The following PTP4A1 variants were observed in gnomAD, a reference collection of about 807,000 sequenced individuals.
PTP4A1 encodes the protein protein tyrosine phosphatase 4A1, also known as protein tyrosine phosphatase type IVA 1.
Under a neutral mutation model 20.5 loss-of-function variants are expected in PTP4A1, and 9 were observed. That is an observed-to-expected ratio of 0.44 (90% CI 0.26 to 0.77). The LOEUF is 0.77. Ranked by LOEUF, PTP4A1 falls within the 30% of genes least tolerant of loss-of-function variation. The probability of loss-of-function intolerance (pLI) is 0.19; values close to 1 mark genes in which losing one functional copy is unlikely to be tolerated. For synonymous variants in PTP4A1, 78 were observed against 67.4 expected, an observed-to-expected ratio of 1.16 and a Z score of -0.77; for missense variants, 137 against 218.8, an observed-to-expected ratio of 0.63 and a Z score of 2.36.
At chr6:63,549,559 A>C in intron 2 of PTP4A1, 1 of 608,556 alleles carries the variant, frequency 1.6e-6, no homozygotes, top group Non-Finnish European at 2.9e-6. Context: ...TGTTGACAAG[A>C]TTTGAAGTTT....
At chr6:63,549,156 G>T (rs1776328131) in intron 2 of PTP4A1, 2 of 684,422 alleles carry the variant, frequency 2.9e-6, no homozygotes, top group Non-Finnish European at 5.3e-6. Context: ...TTTCTTTTTG[G>T]CCAGGGCCAA....
upstream of PTP4A1, among the ~76,000 whole-genome samples, chr6:63,518,950 G>A (rs1188657905): frequency 6.6e-6 from 1 of 152,128 alleles, no homozygotes; most frequent in Non-Finnish European, 1.5e-5. Flanking sequence ...AGCAGGATCT[G>A]GGTAGCACCC....
chr6:63,545,806 T>C (rs149937811), intron 2 of PTP4A1, among the ~76,000 whole-genome samples: 92 of 152,232 alleles, frequency 6.0e-4, no homozygotes, highest in African/African-American at 2.2e-3. Flanking sequence ...AGCTTTCCCA[T>C]GTTCCATATT....
At chr6:63,559,811 T>C (rs1581935979) in intron 3 of PTP4A1, among the ~76,000 whole-genome samples, 1 of 152,214 alleles carries the variant, frequency 6.6e-6, no homozygotes. Context: ...TACTAGCACT[T>C]TGGGAGTCTG....
Position 63,576,693 on chromosome 6 carries a change from G to A in PTP4A1, c.-188G>A. On this transcript the variant is annotated 5_prime_UTR_variant, in exon 2 of 6. Transcript: ENST00000626021. ...TTTTCTGTTGGCCTCAGTATTACTG[G>A]ATTGAAGAATTGCTGCTTCTTGTTA... The A allele has an allele frequency of 1.6e-6, 1 of 606,784 alleles. No individual in the cohort carries two copies. Among genetic ancestry groups the A allele is most frequent in the Non-Finnish European group, 2.9e-6 (1 of 346,082 alleles). The allele number at this position is 606,784 out of a possible 1,614,324, so 37.6% of individuals were successfully genotyped here.
intron 5 of PTP4A1, among the ~76,000 whole-genome samples, chr6:63,579,682 C>G (rs1358266816): frequency 6.6e-6 from 1 of 152,178 alleles, no homozygotes; most frequent in Non-Finnish European, 1.5e-5. Flanking sequence ...AATTAACCAT[C>G]CAATACAACA....
In PTP4A1 at chr6:63,572,541, A is replaced by C. The variant is rs1304574575; in HGVS notation, c.-624A>C. On this transcript the variant is annotated 5_prime_UTR_variant, in exon 1 of 6. Transcript: ENST00000626021. ...CGGCTCGGCTACGCGCTCTGCTCCG[A>C]GCCGCTCACTGCATGGTAGAGTCTG... 2.5e-6 allele frequency: 1 copy of C among 395,924 alleles called. No homozygotes were observed. Among genetic ancestry groups the C allele is most frequent in the East Asian group, 3.6e-5 (1 of 27,734 alleles). The allele number at this position is 395,924 out of a possible 1,614,324, so 24.5% of individuals were successfully genotyped here. A position where few individuals can be genotyped will look rare whatever the true frequency, so the allele number is the denominator to read the frequency against.
At chr6:63,523,756 C>T (rs901110238) in intron 1 of PTP4A1, among the ~76,000 whole-genome samples, 3 of 151,964 alleles carry the variant, frequency 2.0e-5, no homozygotes, top group African/African-American at 7.3e-5. Flanking sequence ...CATCAGCTAT[C>T]GTTAGTGTTA....
In PTP4A1 at chr6:63,572,587, A is replaced by G. The variant is rs1023369609; in HGVS notation, c.-578A>G. ...GTCTGGTGCCCCCGCCGCCGCCTGC[A>G]TCGCCGCCACCGCCGCTCCGCCACG... is the stretch of plus-strand genomic sequence containing the variant. On this transcript the variant is annotated 5_prime_UTR_variant, in exon 1 of 6. Transcript: ENST00000626021. 7.0e-5 allele frequency: 29 copies of G among 415,788 alleles called. No homozygotes were observed. Among genetic ancestry groups the G allele is most frequent in the Middle Eastern group, 6.1e-4 (1 of 1,630 alleles). 25.8% of individuals were successfully genotyped at this position (415,788 alleles called of 1,614,324 possible).
At chr6:63,539,891 A>G (rs571440331) in intron 2 of PTP4A1, among the ~76,000 whole-genome samples, 2 of 152,336 alleles carry the variant, frequency 1.3e-5, no homozygotes, top group South Asian at 4.1e-4. Context: ...TTTAAAAAAT[A>G]ATACAGTGAC....
intron 3 of PTP4A1, among the ~76,000 whole-genome samples, chr6:63,555,762 C>T (rs115449622): frequency 0.019 from 2,907 of 151,376 alleles, 92 homozygotes; most frequent in African/African-American, 0.067. Flanking sequence ...GGCGTGATCC[C>T]GGCTCACTGC....
chr6:63,518,135 C>T (rs1045736351), upstream of PTP4A1, among the ~76,000 whole-genome samples: 4 of 140,902 alleles, frequency 2.8e-5, no homozygotes, highest in African/African-American at 1.1e-4. Context: ...GCCTGGGCAA[C>T]ACAGTGAGAC....
At chr6:63,529,541 C>T (rs923762810) in intron 2 of PTP4A1, among the ~76,000 whole-genome samples, 2 of 152,132 alleles carry the variant, frequency 1.3e-5, no homozygotes, top group African/African-American at 4.8e-5. Flanking sequence ...CTACCTCTCT[C>T]GCTTTTAATT....
chr6:63,579,430 AT>A, intron 5 of PTP4A1, 99 bp downstream of exon 5: 1 of 830,762 alleles, frequency 1.2e-6, no homozygotes, highest in Non-Finnish European at 1.8e-6. Context: ...CATTATGATT[AT>A]TTTTTGAGAT....
rs570954323 is a variant in PTP4A1, at chr6:63,581,165, C to G, written c.*991C>G. 6.6e-6 allele frequency: 1 copy of G among 151,502 alleles called. No individual in the cohort carries two copies. Among genetic ancestry groups the G allele is most frequent in the Admixed American group, 6.6e-5 (1 of 15,198 alleles). The allele number at this position is 151,502 out of a possible 1,614,324, so 9.4% of individuals were successfully genotyped here. A position where few individuals can be genotyped will look rare whatever the true frequency, so the allele number is the denominator to read the frequency against. ...TGATTTTTTTTTTCCTTCCCAACCT[C>G]TCTTGCAAAAAAAGAAATGGGTTTC... is the stretch of plus-strand genomic sequence containing the variant. On this transcript the variant is annotated 3_prime_UTR_variant, in exon 6 of 6. Transcript: ENST00000626021.
At chr6:63,544,917 C>T (rs967251648) in intron 2 of PTP4A1, among the ~76,000 whole-genome samples, 22 of 152,068 alleles carry the variant, frequency 1.4e-4, no homozygotes, top group African/African-American at 4.8e-4. Flanking sequence ...TTAATGTCTC[C>T]GAAGAGATAC....
upstream of PTP4A1, among the ~76,000 whole-genome samples, chr6:63,568,299 C>T (rs1185970402): frequency 1.3e-5 from 2 of 152,212 alleles, no homozygotes; most frequent in Non-Finnish European, 2.9e-5. Context: ...AATGACTCTT[C>T]CTTTCACTTG....
At chr6:63,566,308 A>G (rs1002786345) in intron 3 of PTP4A1, among the ~76,000 whole-genome samples, 7 of 152,224 alleles carry the variant, frequency 4.6e-5, no homozygotes, top group Admixed American at 2.6e-4. Flanking sequence ...CAGCAAGAGA[A>G]AAGGGATGTT....
Position 63,522,149 on chromosome 6 carries a change from C to T in PTP4A1, c.-906+323C>T, listed in dbSNP as rs552925495. ...CTTCCAGATTAGGCTCTTGAATTTC[C>T]TTATCCCAACTCTATATTTATGTTT... On this transcript the variant is annotated intron_variant, in intron 1 of 3. Transcript: ENST00000639568. 2.6e-5 allele frequency among the ~76,000 whole-genome samples: 4 copies of T among 152,318 alleles called. No homozygotes were observed. The East Asian group carries it at 5.8e-4, about 22-fold the overall frequency.
Sources: gnomAD v4.1 joint callset for allele counts (sites outside exome capture counted in the v4.1 genomes callset) on GRCh38, gnomAD v4.1.1 for gene constraint, MANE v1.5 for transcripts, NCBI Gene and HGNC (gene_info 2026-07-23, HGNC 2026-07-21) for gene names.